TRMT9B: variants seen among roughly 807,000 people sequenced by gnomAD.
TRMT9B encodes the protein probable tRNA methyltransferase 9B.
A neutral mutation model predicts 11.5 loss-of-function variants in TRMT9B; 16 were observed. The ratio of observed to expected loss-of-function variants is 1.39; its 90% confidence interval spans 0.94 to 2.11. The LOEUF is 2.11. Ranked by LOEUF, TRMT9B falls within the 30% of genes most tolerant of loss-of-function variation. The pLI is 0.00. For missense variants in TRMT9B, 941 were observed against 553.8 expected (o/e 1.70, Z -7.02); for synonymous variants, 274 against 192.4 (o/e 1.42, Z -3.51).
chr8:13,021,900 C>A lies in TRMT9B; in HGVS notation c.1221C>A (p.Ala407=), dbSNP rs754735637. ...AGACTGATGTTTTGGACTCCACAGC[C>A]TTTATGCGCTACTACCATGTGTTTC... The part of the protein sequence containing the change: ...DPQTDVLDST[A]FMRYYHVFRE... Residue 407 remains alanine (A), a synonymous_variant, in exon 5 of 5, where the codon GCC becomes GCA. Coordinates refer to ENST00000524591, the MANE Select transcript of TRMT9B (RefSeq NM_020844.3). The A allele has an allele frequency of 1.2e-6, 2 of 1,613,670 alleles. No homozygotes were observed. The highest frequency in any genetic ancestry group is 2.7e-5 in the African/African-American group (2 of 74,910).
At chr8:12,955,060 A>T (rs1032310396) in intron 1 of TRMT9B, among the ~76,000 whole-genome samples, 7 of 152,206 alleles carry the variant, frequency 4.6e-5, no homozygotes, top group African/African-American at 1.7e-4. Flanking sequence ...TGTTGACTAA[A>T]TATCATCTCC....
intron 1 of TRMT9B, among the ~76,000 whole-genome samples, chr8:12,985,223 A>G (rs1585208092): frequency 6.6e-6 from 1 of 152,198 alleles, no homozygotes; most frequent in East Asian, 1.9e-4. Flanking sequence ...CTAGTCCCTG[A>G]TGGGATTCCA....
intron 2 of TRMT9B, among the ~76,000 whole-genome samples, chr8:12,996,603 A>G (rs1273156944): frequency 6.6e-6 from 1 of 152,206 alleles, no homozygotes; most frequent in African/African-American, 2.4e-5. Context: ...CCTCATGGGA[A>G]TGGCAGAACA....
chr8:12,976,560 T>A (rs1804483312), intron 1 of TRMT9B, among the ~76,000 whole-genome samples: 2 of 151,740 alleles, frequency 1.3e-5, no homozygotes, highest in African/African-American at 4.8e-5. Flanking sequence ...GGTAATATAG[T>A]AAAACCCTGT....
At chr8:12,947,896 C>A (rs1359681227) in intron 1 of TRMT9B, among the ~76,000 whole-genome samples, 1 of 152,148 alleles carries the variant, frequency 6.6e-6, no homozygotes, top group Non-Finnish European at 1.5e-5. Flanking sequence ...ATTGGGGCTG[C>A]CTTGCTCAGA....
intron 1 of TRMT9B, among the ~76,000 whole-genome samples, chr8:12,958,017 A>G (rs1466510852): frequency 6.6e-6 from 1 of 152,198 alleles, no homozygotes; most frequent in Non-Finnish European, 1.5e-5. Flanking sequence ...TATATAGTAT[A>G]TTAGTCCGTT....
chr8:13,017,341 A>G (rs986276871), intron 4 of TRMT9B, among the ~76,000 whole-genome samples: 4 of 152,174 alleles, frequency 2.6e-5, no homozygotes, highest in Admixed American at 6.5e-5. Flanking sequence ...GAATCCAGTA[A>G]TTGAATTCAA....
intron 1 of TRMT9B, among the ~76,000 whole-genome samples, chr8:12,988,097 T>C (rs1806649128): frequency 1.3e-5 from 2 of 152,206 alleles, no homozygotes; most frequent in Non-Finnish European, 1.5e-5. Context: ...GCTTTGTGTC[T>C]TTCTTTTTGC....
chr8:12,996,145 A>T (rs1364127861), intron 2 of TRMT9B, among the ~76,000 whole-genome samples: 1 of 152,208 alleles, frequency 6.6e-6, no homozygotes, highest in Non-Finnish European at 1.5e-5. Context: ...TATTGAGATC[A>T]GTAATCCTCA....
rs181555902 is a variant in TRMT9B, at chr8:12,987,371, T to G, written c.-199-3463T>G. On this transcript the variant is annotated intron_variant, in intron 1 of 4. Transcript: ENST00000524591. ...ATGGGGTTACATCCCAATAAACCCA[T>G]TATAAGTTGAAAATATTATAAGTCA... Among the ~76,000 whole-genome samples, 4 of 152,292 alleles carry G rather than the reference T, an allele frequency of 2.6e-5. No homozygotes were observed. The East Asian group carries it at 7.7e-4, about 29-fold the overall frequency.
At chr8:12,963,482 G>T (rs983903640) in intron 1 of TRMT9B, among the ~76,000 whole-genome samples, 1 of 151,928 alleles carries the variant, frequency 6.6e-6, no homozygotes, top group African/African-American at 2.4e-5. Flanking sequence ...GGACACAGTG[G>T]CTCATGCCTG....
chr8:12,961,328 C>A (rs1160233882), intron 1 of TRMT9B, among the ~76,000 whole-genome samples: 1 of 152,060 alleles, frequency 6.6e-6, no homozygotes, highest in Non-Finnish European at 1.5e-5. Flanking sequence ...CACACCAATG[C>A]AATATTTTAA....
At chr8:12,976,801 T>A (rs1804527507) in intron 1 of TRMT9B, among the ~76,000 whole-genome samples, 1 of 152,118 alleles carries the variant, frequency 6.6e-6, no homozygotes, top group Non-Finnish European at 1.5e-5. Flanking sequence ...AAGACTGGAT[T>A]CCAGAACTTG....
intron 1 of TRMT9B, among the ~76,000 whole-genome samples, chr8:12,983,459 C>A (rs1409866607): frequency 6.6e-6 from 1 of 152,106 alleles, no homozygotes; most frequent in Non-Finnish European, 1.5e-5. Context: ...TACCTGAGGT[C>A]AGGAGTTTGA....
chr8:12,954,105 C>T (rs1341950294), intron 1 of TRMT9B, among the ~76,000 whole-genome samples: 1 of 152,120 alleles, frequency 6.6e-6, no homozygotes, highest in Admixed American at 6.5e-5. Flanking sequence ...TGGGAATACC[C>T]TGTGTGAATG....
rs1814439499 is a variant in TRMT9B at position 13,024,420 on chromosome 8, G to A, written c.*2376G>A. 2 of 167,086 alleles carry A rather than the reference G, an allele frequency of 1.2e-5. No individual in the cohort carries two copies. The highest frequency in any genetic ancestry group is 4.8e-5 in the African/African-American group (2 of 41,442). The allele number at this position is 167,086 out of a possible 1,614,324, so 10.4% of individuals were successfully genotyped here. On this transcript the variant is annotated 3_prime_UTR_variant, in exon 5 of 5. Transcript: ENST00000524591. Reference sequence around the variant, plus strand: ...CCTTGGTAAAAAGAAAAGATTCTCAGAGTCAAAATGGTCTTACAACTCGGG... The same window carrying A: ...CCTTGGTAAAAAGAAAAGATTCTCAAAGTCAAAATGGTCTTACAACTCGGG...
chr8:13,006,315 T>C lies in TRMT9B; in HGVS notation c.113T>C (p.Phe38Ser). 6.2e-7 allele frequency: 1 copy of C among 1,613,568 alleles called. No individual in the cohort carries two copies. The highest frequency in any genetic ancestry group is 8.5e-7 in the Non-Finnish European group (1 of 1,179,872). ...AAAGCCTGGCCTCGTGTCCGCCAGT[T>C]CCTGCAAGAGCAGAAGCCAGGCAGC... Reference protein sequence around the residue: ...QSKAWPRVRQFLQEQKPGSLI... With the variant: ...QSKAWPRVRQSLQEQKPGSLI... The change falls in exon 3 of 5, where the codon TTC (phenylalanine) becomes TCC (serine). Residue 38 changes from phenylalanine to serine, a missense_variant. Coordinates refer to ENST00000524591, the MANE Select transcript of TRMT9B (RefSeq NM_020844.3).
intron 2 of TRMT9B, among the ~76,000 whole-genome samples, chr8:13,002,439 T>C (rs981307330): frequency 7.2e-5 from 11 of 152,230 alleles, no homozygotes; most frequent in African/African-American, 2.4e-4. Flanking sequence ...TGGGCAGTTA[T>C]AGCCAGCCAT....
rs550188987 is a variant in TRMT9B at position 13,027,995 on chromosome 8, T to C, written c.*5951T>C. ...AAAAGATCTCTCACCAAACAAGGAT[T>C]GAAATTGTATTGCAAATGAAAGAGC... is the stretch of plus-strand genomic sequence containing the variant. On this transcript the variant is annotated 3_prime_UTR_variant, in exon 5 of 5. Coordinates refer to ENST00000524591, the MANE Select transcript of TRMT9B (RefSeq NM_020844.3). 27 of 167,050 alleles carry C rather than the reference T, an allele frequency of 1.6e-4. No individual in the cohort carries two copies. The highest frequency in any genetic ancestry group is 6.3e-4 in the African/African-American group (26 of 41,574). The allele number at this position is 167,050 out of a possible 1,614,324, so 10.3% of individuals were successfully genotyped here. A position where few individuals can be genotyped will look rare whatever the true frequency, so the allele number is the denominator to read the frequency against.
Sources: allele counts gnomAD v4.1 joint callset (sites outside exome capture counted in the v4.1 genomes callset), GRCh38; gene constraint gnomAD v4.1.1; transcripts MANE v1.5; gene names NCBI Gene and HGNC (gene_info 2026-07-23, HGNC 2026-07-21).